Variants in MYH15 observed in about 807,000 individuals in gnomAD.
MYH15 encodes myosin heavy chain 15.
In MYH15, 227 loss-of-function variants were observed where a neutral mutation model predicts 240.5. That is an observed-to-expected ratio of 0.94 (90% CI 0.85 to 1.05). The LOEUF is 1.05. Ranked by LOEUF, MYH15 falls within the 50% of genes least tolerant of loss-of-function variation. The pLI is 0.00. For missense variants in MYH15, 2,217 were observed against 2,247.5 expected, an observed-to-expected ratio of 0.99 and a Z score of 0.27; for synonymous variants, 785 against 796.7, an observed-to-expected ratio of 0.99 and a Z score of 0.25.
chr3:108,540,774 AT>A, the MYH15 span, among the ~76,000 whole-genome samples: 2 of 152,168 alleles, frequency 1.3e-5, no homozygotes, highest in African/African-American at 2.4e-5. Flanking sequence ...TATTAAAAAA[AT>A]GATCTGGATA....
At chr3:108,395,558 C>T (rs2107538574) in intron 35 of MYH15, among the ~76,000 whole-genome samples, 1 of 151,666 alleles carries the variant, frequency 6.6e-6, no homozygotes, top group Non-Finnish European at 1.5e-5. Context: ...ACATAGAATC[C>T]TTTAAAATTT....
chr3:108,460,369 T>C lies in MYH15; in HGVS notation c.1865-2A>G. 2 of 1,496,094 alleles carry C rather than the reference T, an allele frequency of 1.3e-6. No homozygotes were observed. Among genetic ancestry groups the C allele is most frequent in the Non-Finnish European group, 1.8e-6 (2 of 1,130,490 alleles). The allele number at this position is 1,496,094 out of a possible 1,614,324, so 92.7% of individuals were successfully genotyped here. Reference sequence around the variant, plus strand: ...GTTTCTTCTCCCCAAATGGTATAGCTAGCAAAAAAAAAAAAAGAAAAAGAT... The same window carrying C: ...GTTTCTTCTCCCCAAATGGTATAGCCAGCAAAAAAAAAAAAAGAAAAAGAT... On this transcript the variant is annotated splice_acceptor_variant, in intron 16 of 40. Coordinates refer to ENST00000693548, the MANE Select transcript of MYH15 (RefSeq NM_014981.3). LOFTEE classifies it high-confidence loss of function.
intron 25 of MYH15, among the ~76,000 whole-genome samples, chr3:108,434,190 G>GTTTTT (rs5851590): frequency 7.6e-6 from 1 of 130,994 alleles, no homozygotes; most frequent in African/African-American, 2.9e-5. Flanking sequence ...ATTGAGAATG[G>GTTTTT]TTTTTTTTTT....
intron 21 of MYH15, among the ~76,000 whole-genome samples, chr3:108,449,534 T>G (rs920151452): frequency 6.6e-6 from 1 of 152,026 alleles, no homozygotes; most frequent in Non-Finnish European, 1.5e-5. Flanking sequence ...GATATCCACA[T>G]GCAGAAGACT....
intron 25 of MYH15, among the ~76,000 whole-genome samples, chr3:108,433,150 T>G (rs1440469753): frequency 6.6e-6 from 1 of 152,232 alleles, no homozygotes; most frequent in African/African-American, 2.4e-5. Context: ...AACCTACCTC[T>G]TGCATCGGTG....
chr3:108,419,016 A>G (rs1029291986), intron 28 of MYH15, among the ~76,000 whole-genome samples: 6 of 152,058 alleles, frequency 3.9e-5, no homozygotes, highest in Admixed American at 3.9e-4. Flanking sequence ...GCCTCCCAAA[A>G]TTCTGGGATT....
At chr3:108,439,634 A>G in intron 24 of MYH15, 103 bp downstream of exon 24, 2 of 1,053,604 alleles carry the variant, frequency 1.9e-6, no homozygotes, top group Non-Finnish European at 1.3e-6. Flanking sequence ...AAACTATGCT[A>G]CTAGGTTTTT....
Position 108,464,712 on chromosome 3 carries a change from C to T in MYH15, c.1657G>A (p.Val553Ile), listed in dbSNP as rs777423353. The T allele has an allele frequency of 4.3e-6, 7 of 1,613,910 alleles. No homozygotes were observed. The East Asian group carries it at 6.7e-5, about 15-fold the overall frequency. The change falls in exon 15 of 41, where the codon GTT becomes ATT. Residue 553 changes from valine to isoleucine, a missense_variant. Coordinates refer to ENST00000693548, the MANE Select transcript of MYH15 (RefSeq NM_014981.3). ...KLFDNHFGKS[V>I]HLQKPKPDKK... ...TCAGGCTTGGGCTTCTGGAGATGAACCGACTTTCCAAAATGGTTGTCAAAG... is the reference window on the plus strand; with the variant it reads ...TCAGGCTTGGGCTTCTGGAGATGAATCGACTTTCCAAAATGGTTGTCAAAG...
chr3:108,516,547 T>C (rs1281721931), intron 1 of MYH15, among the ~76,000 whole-genome samples: 1 of 152,170 alleles, frequency 6.6e-6, no homozygotes, highest in Non-Finnish European at 1.5e-5. Context: ...ATGCTCCTAA[T>C]TAGGGACACT....
intron 21 of MYH15, among the ~76,000 whole-genome samples, chr3:108,450,799 T>C (rs915871243): frequency 6.6e-6 from 1 of 152,058 alleles, no homozygotes; most frequent in Non-Finnish European, 1.5e-5. Context: ...CATCAGATTA[T>C]ACGCCATATA....
chr3:108,481,894 AT>A (rs2083270762), intron 11 of MYH15, among the ~76,000 whole-genome samples: 1 of 152,124 alleles, frequency 6.6e-6, no homozygotes, highest in Admixed American at 6.6e-5. Context: ...ATTTGGAGCC[AT>A]TGTTGAGTTT....
At position 108,432,671 on chromosome 3, in the gene MYH15, C is replaced by T. The variant is rs371580024; in HGVS notation, c.3222-1749G>A. ...AGGGACTTGGTGCCCTGCGTCCCAG[C>T]TGCTCCAGCCATGGCTGAAAGGGGT... On this transcript the variant is annotated intron_variant, in intron 25 of 40. Transcript: ENST00000693548. 2.6e-5 allele frequency among the ~76,000 whole-genome samples: 4 copies of T among 152,324 alleles called. No individual in the cohort carries two copies. In the East Asian group the frequency reaches 7.7e-4, roughly 29 times the overall value.
intron 1 of MYH15, among the ~76,000 whole-genome samples, chr3:108,517,260 TA>T (rs2083580860): frequency 6.6e-6 from 1 of 152,192 alleles, no homozygotes. Context: ...TACACTTTAC[TA>T]CCTCCCAATC....
intron 21 of MYH15, among the ~76,000 whole-genome samples, chr3:108,450,282 C>T (rs1409037809): frequency 6.6e-6 from 1 of 151,912 alleles, no homozygotes; most frequent in East Asian, 1.9e-4. Context: ...TTGCAATAGC[C>T]AAGATATGGA....
intron 19 of MYH15, among the ~76,000 whole-genome samples, chr3:108,456,239 G>A (rs1013460453): frequency 2.6e-5 from 4 of 152,118 alleles, no homozygotes; most frequent in African/African-American, 9.7e-5. Flanking sequence ...TGAGTTGGTG[G>A]AAAACAAGAA....
chr3:108,381,398 A>C lies in MYH15; in HGVS notation c.*147T>G. ...TGTGGAAGCAATGATATTCCCTTTA[A>C]TTATTTTTCTAATTGCCTTGTTTAT... On this transcript the variant is annotated 3_prime_UTR_variant, in exon 41 of 41. Coordinates refer to ENST00000693548, the MANE Select transcript of MYH15 (RefSeq NM_014981.3). 1.1e-6 allele frequency: 1 copy of C among 920,810 alleles called. No homozygotes were observed. The highest frequency in any genetic ancestry group is 1.7e-6 in the Non-Finnish European group (1 of 575,086). The allele number at this position is 920,810 out of a possible 1,614,324, so 57.0% of individuals were successfully genotyped here. A position where few individuals can be genotyped will look rare whatever the true frequency, so the allele number is the denominator to read the frequency against.
rs2082440805 is a variant in MYH15, at chr3:108,394,072, A to T, written c.5218T>A (p.Cys1740Ser). The change falls in exon 36 of 41, where the codon TGT (cysteine) becomes AGT (serine). Residue 1740 changes from cysteine to serine, a missense_variant. By Grantham distance (112) the Cys-to-Ser change is moderately radical (BLOSUM62 -1). Coordinates refer to ENST00000693548, the MANE Select transcript of MYH15 (RefSeq NM_014981.3). ...TTGGCCTTCTCTTCTGCATTTTGAC[A>T]CTCCTGCACCACCTCTTCAGCTTCT... ...QKEAEEVVQE[C>S]QNAEEKAKKA... The T allele has an allele frequency of 6.2e-7, 1 of 1,613,732 alleles. No homozygotes were observed. The highest frequency in any genetic ancestry group is 1.7e-5 in the Admixed American group (1 of 59,986).
intron 16 of MYH15, among the ~76,000 whole-genome samples, chr3:108,462,282 A>T (rs1473975203): frequency 6.6e-6 from 1 of 152,136 alleles, no homozygotes; most frequent in East Asian, 1.9e-4. Flanking sequence ...TTTTCACTGC[A>T]TCGTAAATGC....
At chr3:108,521,491 G>T (rs143116898) in intron 1 of MYH15, among the ~76,000 whole-genome samples, 1 of 151,988 alleles carries the variant, frequency 6.6e-6, no homozygotes, top group African/African-American at 2.4e-5. Flanking sequence ...CTATTTCCCA[G>T]ACCAATTTAT....
Sources: allele counts gnomAD v4.1 joint callset (sites outside exome capture counted in the v4.1 genomes callset), GRCh38; gene constraint gnomAD v4.1.1; transcripts MANE v1.5; gene names NCBI Gene and HGNC (gene_info 2026-07-23, HGNC 2026-07-21).